The following ZNF503 variants were observed in gnomAD, a reference collection of about 807,000 sequenced individuals.
ZNF503 encodes zinc finger protein 503, also known as NocA-like zinc finger 2.
In ZNF503, 15 loss-of-function variants were observed where a neutral mutation model predicts 34.4. The observed-to-expected ratio is 0.44, with a 90% CI of 0.29 to 0.67. The LOEUF (loss-of-function observed/expected upper bound fraction) is 0.67, where lower values mean the gene tolerates loss of function less well. Ranked by LOEUF, ZNF503 falls within the 30% of genes least tolerant of loss-of-function variation. The probability of loss-of-function intolerance (pLI) is 0.13; values close to 1 mark genes in which losing one functional copy is unlikely to be tolerated. For synonymous variants in ZNF503, 580 were observed against 456.8 expected, an observed-to-expected ratio of 1.27 and a Z score of -3.44; for missense variants, 1,007 against 926.8, an observed-to-expected ratio of 1.09 and a Z score of -1.12.
chr10:75,376,481 G>A, the ZNF503 span, among the ~76,000 whole-genome samples: 1 of 151,938 alleles, frequency 6.6e-6, no homozygotes, highest in Non-Finnish European at 1.5e-5. Context: ...CTGTCTCTAC[G>A]AAAAATACAA....
At chr10:75,380,941 G>A in the ZNF503 span, among the ~76,000 whole-genome samples, 7 of 152,258 alleles carry the variant, frequency 4.6e-5, no homozygotes, top group African/African-American at 7.2e-5. Flanking sequence ...TTGCATCATG[G>A]CATTCGCGGG....
chr10:75,376,956 A>C, the ZNF503 span, among the ~76,000 whole-genome samples: 4 of 152,168 alleles, frequency 2.6e-5, no homozygotes, highest in African/African-American at 9.7e-5. Context: ...TTACAATTCA[A>C]AGTGAGATTT....
At chr10:75,309,690 G>C in the ZNF503 span, among the ~76,000 whole-genome samples, 1 of 152,140 alleles carries the variant, frequency 6.6e-6, no homozygotes, top group Admixed American at 6.5e-5. Flanking sequence ...TTAATGTCTT[G>C]CTTTACTGTG....
chr10:75,395,053 G>A (rs1259289859), downstream of ZNF503, among the ~76,000 whole-genome samples: 18 of 152,234 alleles, frequency 1.2e-4, no homozygotes. This position sits in a 1 kb window ranked among gnomAD's most constrained non-coding sequence, Gnocchi z 4.4. Flanking sequence ...CTCAAACTGT[G>A]TCAGGGACGA....
At chr10:75,359,487 C>T in the ZNF503 span, among the ~76,000 whole-genome samples, 1 of 152,214 alleles carries the variant, frequency 6.6e-6, no homozygotes, top group Non-Finnish European at 1.5e-5. Context: ...TGTGGGCCTC[C>T]AGAGAAGCCA....
chr10:75,389,528 G>A, the ZNF503 span, among the ~76,000 whole-genome samples: 6 of 152,128 alleles, frequency 3.9e-5, no homozygotes, highest in Non-Finnish European at 7.4e-5. Flanking sequence ...TCAGGAGTTC[G>A]AGACCAGCTT....
the ZNF503 span, among the ~76,000 whole-genome samples, chr10:75,293,411 A>G: frequency 6.6e-6 from 1 of 152,190 alleles, no homozygotes; most frequent in Non-Finnish European, 1.5e-5. Flanking sequence ...AGGAAGGGAC[A>G]TGACCCTGTG....
chr10:75,318,276 A>G, the ZNF503 span, among the ~76,000 whole-genome samples: 3 of 152,240 alleles, frequency 2.0e-5, no homozygotes, highest in African/African-American at 7.2e-5. Context: ...GAGTAGCATA[A>G]TATTTCCAAG....
chr10:75,379,167 G>A, the ZNF503 span, among the ~76,000 whole-genome samples: 73 of 152,266 alleles, frequency 4.8e-4, no homozygotes, highest in African/African-American at 1.6e-3. Context: ...TTTAAAATAT[G>A]TAAATCAATA....
chr10:75,398,815 C>A lies in ZNF503; in HGVS notation c.1875G>T (p.Pro625=), dbSNP rs767054410. The A allele has an allele frequency of 1.9e-5, 28 of 1,495,902 alleles. No individual in the cohort carries two copies. The highest frequency in any genetic ancestry group is 2.4e-5 in the Non-Finnish European group (27 of 1,128,890). 92.7% of individuals were successfully genotyped at this position (1,495,902 alleles called of 1,614,324 possible). A position where few individuals can be genotyped will look rare whatever the true frequency, so the allele number is the denominator to read the frequency against. The change falls in exon 2 of 2, where the codon CCG becomes CCT. Residue 625 remains proline, a synonymous_variant. Coordinates refer to ENST00000372524, the MANE Select transcript of ZNF503 (RefSeq NM_032772.6). ...CGTAGAGGGCGTAGGGGGAGTAGTACGGTCCGGTGGCGGCGGGCACCGGCA... is the reference window on the plus strand; with the variant it reads ...CGTAGAGGGCGTAGGGGGAGTAGTAAGGTCCGGTGGCGGCGGGCACCGGCA... ...APVPVPAATG[P]YYSPYALYGQ... is the part of the protein sequence containing the mutation.
At chr10:75,319,593 T>C in the ZNF503 span, among the ~76,000 whole-genome samples, 2 of 152,146 alleles carry the variant, frequency 1.3e-5, no homozygotes, top group African/African-American at 2.4e-5. Context: ...AGATAAAAAA[T>C]AGAAAGAACA....
chr10:75,286,241 C>T, the ZNF503 span, among the ~76,000 whole-genome samples: 5,718 of 149,044 alleles, frequency 0.038, 372 homozygotes, highest in African/African-American at 0.14. Context: ...AGAGATTGTG[C>T]GCCACTGCAC....
the ZNF503 span, among the ~76,000 whole-genome samples, chr10:75,314,681 A>C: frequency 8.2e-3 from 1,246 of 152,380 alleles, 5 homozygotes; most frequent in Non-Finnish European, 0.014. Context: ...AGATACGTAC[A>C]TCAATGTAGT....
At chr10:75,304,946 G>C in the ZNF503 span, among the ~76,000 whole-genome samples, 23,805 of 152,082 alleles carry the variant, frequency 0.16, 2,102 homozygotes, top group Non-Finnish European at 0.2. Context: ...AATCCAAACA[G>C]TGGAACTATG....
the ZNF503 span, among the ~76,000 whole-genome samples, chr10:75,321,581 A>G: frequency 1.3e-5 from 2 of 152,214 alleles, no homozygotes; most frequent in African/African-American, 4.8e-5. Context: ...GAAATAAGGA[A>G]CTTATTGGGA....
chr10:75,300,547 A>T, the ZNF503 span, among the ~76,000 whole-genome samples: 1 of 152,192 alleles, frequency 6.6e-6, no homozygotes, highest in Non-Finnish European at 1.5e-5. Flanking sequence ...ATTGCAGTAA[A>T]GACAGGCATA....
the ZNF503 span, among the ~76,000 whole-genome samples, chr10:75,294,249 A>G: frequency 3.9e-5 from 6 of 152,212 alleles, no homozygotes; most frequent in East Asian, 9.6e-4. Flanking sequence ...CAGACAGACC[A>G]GACATCAGAT....
the ZNF503 span, among the ~76,000 whole-genome samples, chr10:75,357,780 G>A: frequency 1.3e-5 from 2 of 152,144 alleles, no homozygotes; most frequent in Non-Finnish European, 2.9e-5. Context: ...TCTAATATTG[G>A]GCCATGATAT....
chr10:75,347,355 C>T, the ZNF503 span, among the ~76,000 whole-genome samples: 2 of 151,352 alleles, frequency 1.3e-5, no homozygotes, highest in Admixed American at 6.6e-5. Context: ...AGACATGCCT[C>T]ATTAATCCCA....
Sources: allele counts gnomAD v4.1 joint callset (sites outside exome capture counted in the v4.1 genomes callset), GRCh38; gene constraint gnomAD v4.1.1; non-coding constraint Gnocchi (gnomAD v3.1); transcripts MANE v1.5; gene names NCBI Gene and HGNC (gene_info 2026-07-23, HGNC 2026-07-21).